FLT4: variants seen among roughly 807,000 people sequenced by gnomAD.
FLT4 encodes the protein vascular endothelial growth factor receptor 3.
In FLT4, 30 loss-of-function variants were observed where a neutral mutation model predicts 163.2. The observed-to-expected ratio is 0.18, with a 90% confidence interval of 0.14 to 0.25. The LOEUF (loss-of-function observed/expected upper bound fraction) is 0.25, where lower values mean the gene tolerates loss of function less well. Among genes scored for constraint, FLT4 ranks in the 10% least tolerant of loss-of-function variants. The pLI is 1.00. For missense variants in FLT4, 1,510 were observed against 1,863.8 expected, an observed-to-expected ratio of 0.81 and a Z score of 3.50; for synonymous variants, 884 against 789.5, an observed-to-expected ratio of 1.12 and a Z score of -2.01.
chr5:180,638,453 CAA>C (rs1247945825), intron 1 of FLT4, among the ~76,000 whole-genome samples: 1 of 152,216 alleles, frequency 6.6e-6, no homozygotes, highest in African/African-American at 2.4e-5. Flanking sequence ...GCACGCACCC[CAA>C]AGTGGCTTCT....
At chr5:180,649,872 C>T (rs1205017497), upstream of FLT4, among the ~76,000 whole-genome samples, 1 of 152,156 alleles carries the variant, frequency 6.6e-6, no homozygotes, top group Non-Finnish European at 1.5e-5. Context: ...GAGCAAAATG[C>T]GGCACGCGCT....
intron 27 of FLT4, 90 bp downstream of exon 27, chr5:180,611,241 T>C (rs2127790730): frequency 6.9e-7 from 1 of 1,440,434 alleles, no homozygotes; most frequent in East Asian, 2.3e-5. Context: ...GTCGCATGAT[T>C]TGCTTTTCCC....
rs1763353998 is a variant in FLT4, at chr5:180,623,679, G to A, written c.1548+256C>T. Among the ~76,000 whole-genome samples the A allele has an allele frequency of 6.6e-6, 1 of 152,204 alleles. No individual in the cohort carries two copies. The highest frequency in any genetic ancestry group is 2.4e-5 in the African/African-American group (1 of 41,454). On this transcript the variant is annotated intron_variant, in intron 11 of 29. Transcript: ENST00000261937. This position sits in a 1 kb window ranked among gnomAD's most constrained non-coding sequence, Gnocchi z 5.8. ...GTGGGCCTCAGGGGCTCATGGCCTG[G>A]CCAGGTGGCCTTGCATGTCAGCTTC...
Position 180,601,519 on chromosome 5 carries a change from C to T in FLT4, c.*1673G>A, listed in dbSNP as rs1440497614. On this transcript the variant is annotated 3_prime_UTR_variant, in exon 30 of 30. Coordinates refer to ENST00000261937, the MANE Select transcript of FLT4 (RefSeq NM_182925.5). ...GCAACACTCCCGTCCGCAACACACA[C>T]AAAGACCGGCATCAGATTTATTATT... 4.4e-6 allele frequency: 1 copy of T among 228,510 alleles called. No homozygotes were observed. Among genetic ancestry groups the T allele is most frequent in the Non-Finnish European group, 8.6e-6 (1 of 115,656 alleles). The allele number at this position is 228,510 out of a possible 1,614,324, so 14.2% of individuals were successfully genotyped here. A position where few individuals can be genotyped will look rare whatever the true frequency, so the allele number is the denominator to read the frequency against.
chr5:180,649,327 C>T (rs1765635887), intron 1 of FLT4, among the ~76,000 whole-genome samples, 161 bp downstream of exon 1: 5 of 151,898 alleles, frequency 3.3e-5, no homozygotes, highest in Admixed American at 3.3e-4. Context: ...CCCGAGGTCC[C>T]GCGCCCCAAG....
At chr5:180,649,417 G>C (rs1265947329) in intron 1 of FLT4, 71 bp downstream of exon 1, 1 of 1,187,506 alleles carries the variant, frequency 8.4e-7, no homozygotes, top group Non-Finnish European at 1.1e-6. Flanking sequence ...CTCAGCGCCC[G>C]CCCCAGGTGC....
At position 180,623,885 on chromosome 5, in the gene FLT4, T is replaced by C. The variant is rs1284390104; in HGVS notation, c.1548+50A>G. 6.2e-7 allele frequency: 1 copy of C among 1,610,448 alleles called. No individual in the cohort carries two copies. The highest frequency in any genetic ancestry group is 1.1e-5 in the South Asian group (1 of 91,024). On this transcript the variant is annotated intron_variant, in intron 11 of 29. Transcript: ENST00000261937. The surrounding 1 kb of genome is among the most constrained non-coding windows in gnomAD (Gnocchi z 5.8). ...CCACATGGCAGTAATGGCCTCTCTC[T>C]CCTCCCTTCTCCTTCTCCCTGGGCA...
At position 180,626,041 on chromosome 5, in the gene FLT4, C is replaced by T; in HGVS notation, c.1259-10G>A. On this transcript the variant is annotated splice_polypyrimidine_tract_variant and intron_variant, in intron 9 of 29. Coordinates refer to ENST00000261937, the MANE Select transcript of FLT4 (RefSeq NM_182925.5). ...TGTATCTGGGGGGGCACTGTGGGCACACAGATGGCCGGTCAGCTGGCCTCC... is the reference window on the plus strand; with the variant it reads ...TGTATCTGGGGGGGCACTGTGGGCATACAGATGGCCGGTCAGCTGGCCTCC... The T allele has an allele frequency of 1.2e-6, 2 of 1,612,682 alleles. No homozygotes were observed. The highest frequency in any genetic ancestry group is 1.7e-6 in the Non-Finnish European group (2 of 1,179,978).
Position 180,613,005 on chromosome 5 carries a change from G to T in FLT4, c.3431+6C>A. On this transcript the variant is annotated splice_donor_region_variant and intron_variant, in intron 25 of 29. Transcript: ENST00000261937. Reference sequence around the variant, plus strand: ...CCAAAACCTGCAGGGCCATGGGGAGGCTCACATGGCGGGAGTGGCCAGCTC... The same window carrying T: ...CCAAAACCTGCAGGGCCATGGGGAGTCTCACATGGCGGGAGTGGCCAGCTC... 2 of 1,605,684 alleles carry T rather than the reference G, an allele frequency of 1.2e-6. No homozygotes were observed. Among genetic ancestry groups the T allele is most frequent in the South Asian group, 2.2e-5 (2 of 90,668 alleles).
rs1763138044 is a variant in FLT4 at position 180,621,443 on chromosome 5, G to A, written c.2020+99C>T. ...GGGGTAGCTCCTGCAGGCCAGGGCTGTGAATAGACCTCCCAGGGGCGAGCC... is the reference window on the plus strand; with the variant it reads ...GGGGTAGCTCCTGCAGGCCAGGGCTATGAATAGACCTCCCAGGGGCGAGCC... On this transcript the variant is annotated intron_variant, in intron 13 of 29. Transcript: ENST00000261937. 2.6e-6 allele frequency: 4 copies of A among 1,533,070 alleles called. No individual in the cohort carries two copies. The Admixed American group carries it at 5.5e-5, about 21-fold the overall frequency. The allele number at this position is 1,533,070 out of a possible 1,614,324, so 95.0% of individuals were successfully genotyped here.
At chr5:180,613,855 G>A in intron 24 of FLT4, 1 of 630,520 alleles carries the variant, frequency 1.6e-6, no homozygotes. Context: ...GCACCCCACA[G>A]AGGGTGGCCC....
rs1272923889 is a variant in FLT4 at position 180,603,298 on chromosome 5, C to T, written c.3986G>A (p.Gly1329Asp). ...ATACTCGCTGTTGTAAAACACCTGG[C>T]CTCCTCGGGCCCCCCGCTCAGGCCG... ...RRRPERGARG[G>D]QVFYNSEYGE... is the part of the protein sequence containing the mutation. Residue 1329 changes from glycine to aspartate, a missense_variant, in exon 30 of 30, where the codon GGC becomes GAC. Physicochemically the swap from Gly to Asp is moderately conservative, Grantham distance 94. This residue lies in a region of FLT4 where 295 missense variants were observed against 311.0 expected (regional missense o/e 0.95). Transcript: ENST00000261937. 5 of 1,613,848 alleles carry T rather than the reference C, an allele frequency of 3.1e-6. No homozygotes were observed. The African/African-American group carries it at 6.7e-5, about 22-fold the overall frequency.
chr5:180,620,578 G>T lies in FLT4; in HGVS notation c.2406+31C>A. ...GCCAGGGTGGGGAAGGCCTGAGAGA[G>T]ACTCCATCAGGAGCGGGGAGGGACA... On this transcript the variant is annotated intron_variant, in intron 16 of 29. Coordinates refer to ENST00000261937, the MANE Select transcript of FLT4 (RefSeq NM_182925.5). This position sits in a 1 kb window ranked among gnomAD's most constrained non-coding sequence, Gnocchi z 4.4. 6.6e-7 allele frequency: 1 copy of T among 1,519,512 alleles called. No individual in the cohort carries two copies. The highest frequency in any genetic ancestry group is 1.1e-5 in the South Asian group (1 of 89,134). The allele number at this position is 1,519,512 out of a possible 1,614,324, so 94.1% of individuals were successfully genotyped here. A position where few individuals can be genotyped will look rare whatever the true frequency, so the allele number is the denominator to read the frequency against.
At position 180,601,602 on chromosome 5, in the gene FLT4, GT is replaced by G. The variant is rs1363913725; in HGVS notation, c.*1589del. 5.1e-5 allele frequency: 12 copies of G among 233,102 alleles called. No homozygotes were observed. Among genetic ancestry groups the G allele is most frequent in the African/African-American group, 2.2e-4 (10 of 45,308 alleles). 14.4% of individuals were successfully genotyped at this position (233,102 alleles called of 1,614,324 possible). ...GAACATGGTCTAGAAGGGCATAGTAGTTTTTTTCCCGGTACATGCGTGGGTG... is the reference window on the plus strand; with the variant it reads ...GAACATGGTCTAGAAGGGCATAGTAGTTTTTTCCCGGTACATGCGTGGGTG... On this transcript the variant is annotated 3_prime_UTR_variant, in exon 30 of 30. Coordinates refer to ENST00000261937, the MANE Select transcript of FLT4 (RefSeq NM_182925.5).
Position 180,623,103 on chromosome 5 carries a change from G to A in FLT4, c.1549-264C>T, listed in dbSNP as rs528219104. On this transcript the variant is annotated intron_variant, in intron 11 of 29. Coordinates refer to ENST00000261937, the MANE Select transcript of FLT4 (RefSeq NM_182925.5). This position sits in a 1 kb window ranked among gnomAD's most constrained non-coding sequence, Gnocchi z 5.8. ...TGGCCTAGGCTGCAGTGACGTCAGA[G>A]GGCAGCCTTTGGCAGGACCAGAGAG... Among the ~76,000 whole-genome samples, 45 of 152,336 alleles carry A rather than the reference G, an allele frequency of 3.0e-4. No homozygotes were observed. The highest frequency in any genetic ancestry group is 1.1e-3 in the African/African-American group (44 of 41,584).
Position 180,612,503 on chromosome 5 carries a change from C to G in FLT4, c.3537+3G>C. The G allele has an allele frequency of 6.2e-7, 1 of 1,606,956 alleles. No homozygotes were observed. The highest frequency in any genetic ancestry group is 1.1e-5 in the South Asian group (1 of 90,974). On this transcript the variant is annotated splice_donor_region_variant and intron_variant, in intron 26 of 29. Transcript: ENST00000261937. ...AGTAGAACAGGGTGGGGAAGGGGCT[C>G]ACTTGCAGGCCCCTGCCCTGGAGCA... is the stretch of plus-strand genomic sequence containing the variant.
intron 8 of FLT4, among the ~76,000 whole-genome samples, chr5:180,627,901 C>T (rs964270667): frequency 2.6e-5 from 4 of 152,156 alleles, no homozygotes; most frequent in South Asian, 2.1e-4. Context: ...CTTGGATGGA[C>T]ACCGAAGTCT....
In FLT4 at chr5:180,601,879, C is replaced by T. The variant is rs915210773; in HGVS notation, c.*1313G>A. On this transcript the variant is annotated 3_prime_UTR_variant, in exon 30 of 30. Transcript: ENST00000261937. The stretch of plus-strand genomic sequence containing the variant: ...GGGCAAGCCCCTGCCCGCTGCGCGG[C>T]GCCTGTCCTGCAAGCGTCTGGTGCG... 4.3e-6 allele frequency: 1 copy of T among 233,522 alleles called. No individual in the cohort carries two copies. The highest frequency in any genetic ancestry group is 6.0e-5 in the East Asian group (1 of 16,590). 14.5% of individuals were successfully genotyped at this position (233,522 alleles called of 1,614,324 possible).
Position 180,630,747 on chromosome 5 carries a change from T to C in FLT4, c.208A>G (p.Thr70Ala). The change falls in exon 3 of 30, where the codon ACC becomes GCC. Residue 70 changes from threonine to alanine, a missense_variant. Thr to Ala is a moderately conservative substitution (Grantham distance 58, BLOSUM62 0). Transcript: ENST00000261937. The surrounding 1 kb of genome is among the most constrained non-coding windows in gnomAD (Gnocchi z 6.3). The part of the protein sequence containing the change: ...AWPGAQEAPA[T>A]GDKDSEDTGV... ...GTGTCCTCGCTGTCCTTGTCTCCGG[T>C]GGCTGGCGCCTCCTGAGCTCCTGGC... 6.2e-7 allele frequency: 1 copy of C among 1,609,904 alleles called. No homozygotes were observed. Among genetic ancestry groups the C allele is most frequent in the Non-Finnish European group, 8.5e-7 (1 of 1,179,814 alleles).
Sources: allele counts gnomAD v4.1 joint callset (sites outside exome capture counted in the v4.1 genomes callset), GRCh38; gene constraint gnomAD v4.1.1; regional missense constraint gnomAD v4.1.1; non-coding constraint Gnocchi (gnomAD v3.1); transcripts MANE v1.5; gene names NCBI Gene and HGNC (gene_info 2026-07-23, HGNC 2026-07-21).